Variants in AGBL1 observed in about 807,000 individuals in gnomAD.
The protein encoded by AGBL1 is AGBL carboxypeptidase 1.
In AGBL1, 130 loss-of-function variants were observed where a neutral mutation model predicts 118.9. The observed-to-expected ratio is 1.09, with a 90% CI of 0.95 to 1.26. AGBL1 has a LOEUF of 1.26. Ranked by LOEUF, AGBL1 falls within the 50% of genes most tolerant of loss-of-function variation. The probability of loss-of-function intolerance (pLI) is 0.00; values close to 1 mark genes in which losing one functional copy is unlikely to be tolerated. For synonymous variants in AGBL1, 555 were observed against 478.9 expected (o/e 1.16, Z -2.08); for missense variants, 1,584 against 1,298.1 (o/e 1.22, Z -3.38).
intron 17 of AGBL1, among the ~76,000 whole-genome samples, chr15:86,364,611 C>A (rs1374674263): frequency 1.3e-5 from 2 of 152,036 alleles, no homozygotes; most frequent in South Asian, 2.1e-4. Flanking sequence ...CTGACCCCTG[C>A]CCCATATTTG....
At chr15:86,381,777 T>C (rs1243626682) in intron 17 of AGBL1, among the ~76,000 whole-genome samples, 1 of 151,824 alleles carries the variant, frequency 6.6e-6, no homozygotes, top group African/African-American at 2.4e-5. Flanking sequence ...TGTGCAAAGA[T>C]CAGGAGCAGA....
At chr15:86,866,221 T>G (rs1476488015) in intron 22 of AGBL1, among the ~76,000 whole-genome samples, 5 of 152,200 alleles carry the variant, frequency 3.3e-5, no homozygotes, top group Admixed American at 6.5e-5. Flanking sequence ...ATTAGAAAAG[T>G]CATCTTGACA....
chr15:86,538,878 G>A (rs1385472670), intron 19 of AGBL1, among the ~76,000 whole-genome samples: 2 of 152,148 alleles, frequency 1.3e-5, no homozygotes. Flanking sequence ...TTGAACAAGG[G>A]GGACCTATTA....
At chr15:86,947,260 G>A (rs189485323) in intron 23 of AGBL1, among the ~76,000 whole-genome samples, 1 of 152,316 alleles carries the variant, frequency 6.6e-6, no homozygotes, top group Admixed American at 6.5e-5. Context: ...TGTTTTGAAT[G>A]ATACCAGAAT....
At chr15:87,000,895 T>C (rs1427827809) in intron 24 of AGBL1, among the ~76,000 whole-genome samples, 3 of 144,178 alleles carry the variant, frequency 2.1e-5, no homozygotes, top group African/African-American at 7.8e-5. Flanking sequence ...GTATCCTCTT[T>C]TATTTCCTTG....
intron 18 of AGBL1, among the ~76,000 whole-genome samples, chr15:86,480,435 T>G (rs2142122084): frequency 6.6e-6 from 1 of 152,270 alleles, no homozygotes; most frequent in East Asian, 1.9e-4. Flanking sequence ...TGGCTATTTT[T>G]GTCATGCTAA....
chr15:86,193,107 A>G (rs1011437188), intron 5 of AGBL1, among the ~76,000 whole-genome samples: 6 of 152,212 alleles, frequency 3.9e-5, no homozygotes, highest in Non-Finnish European at 8.8e-5. Flanking sequence ...TGATCATACC[A>G]GATACTGTGA....
intron 6 of AGBL1, among the ~76,000 whole-genome samples, chr15:86,239,193 G>A (rs183669855): frequency 9.9e-5 from 15 of 152,210 alleles, no homozygotes; most frequent in African/African-American, 2.6e-4. Flanking sequence ...TACCTGTCCC[G>A]GTTTCTGGAG....
chr15:86,253,336 C>T (rs920062072), intron 7 of AGBL1, among the ~76,000 whole-genome samples: 14 of 152,080 alleles, frequency 9.2e-5, no homozygotes, highest in East Asian at 5.8e-4. Flanking sequence ...CTGCAGCCTC[C>T]GCCTCCTGAG....
intron 19 of AGBL1, among the ~76,000 whole-genome samples, chr15:86,541,377 A>G (rs1229188811): frequency 6.6e-6 from 1 of 152,092 alleles, no homozygotes; most frequent in Admixed American, 6.6e-5. Context: ...TCTGATGCTT[A>G]TTAATATTTG....
intron 23 of AGBL1, among the ~76,000 whole-genome samples, chr15:86,931,874 T>A (rs1244995960): frequency 6.6e-6 from 1 of 152,156 alleles, no homozygotes; most frequent in South Asian, 2.1e-4. Flanking sequence ...TTGAATACTT[T>A]AAAATTCTTG....
intron 19 of AGBL1, among the ~76,000 whole-genome samples, chr15:86,534,471 C>G (rs1326997722): frequency 6.6e-6 from 1 of 152,112 alleles, no homozygotes; most frequent in Non-Finnish European, 1.5e-5. Context: ...GTTTTCTGTG[C>G]TTGGGGTTAC....
At chr15:86,346,571 G>A (rs538883887) in intron 17 of AGBL1, among the ~76,000 whole-genome samples, 5 of 151,858 alleles carry the variant, frequency 3.3e-5, no homozygotes, top group African/African-American at 1.2e-4. Context: ...GGATGGTCTC[G>A]ATCTCCTGAC....
intron 22 of AGBL1, among the ~76,000 whole-genome samples, chr15:86,724,731 C>A (rs1040594024): frequency 6.6e-6 from 1 of 152,132 alleles, no homozygotes; most frequent in Non-Finnish European, 1.5e-5. Flanking sequence ...GTGGATCCCT[C>A]ATGAATGGCT....
upstream of AGBL1, chr15:86,079,856 C>T: frequency 3.0e-6 from 2 of 664,978 alleles, no homozygotes; most frequent in Non-Finnish European, 4.3e-6. Context: ...GCATGTGCAG[C>T]TGAGGCCTCC....
At chr15:87,006,264 T>A (rs915548501) in intron 24 of AGBL1, among the ~76,000 whole-genome samples, 2 of 152,194 alleles carry the variant, frequency 1.3e-5, no homozygotes, top group African/African-American at 4.8e-5. Context: ...TGCTGCCTTT[T>A]GTTTAGCTAT....
chr15:86,115,625 G>A (rs1897705946), intron 1 of AGBL1, among the ~76,000 whole-genome samples: 1 of 152,152 alleles, frequency 6.6e-6, no homozygotes, highest in African/African-American at 2.4e-5. Flanking sequence ...CTGGGATGAG[G>A]ACTACTGCTC....
At chr15:86,753,397 C>CTTTTTTTT (rs1555446759) in intron 22 of AGBL1, among the ~76,000 whole-genome samples, 143 of 111,236 alleles carry the variant, frequency 1.3e-3, no homozygotes, top group Non-Finnish European at 1.5e-3. Context: ...TTTTCTTTTT[C>CTTTTTTTT]TTTTTTTTTT....
chr15:86,156,373 G>T (rs143240082), intron 4 of AGBL1, among the ~76,000 whole-genome samples: 4 of 152,132 alleles, frequency 2.6e-5, no homozygotes, highest in South Asian at 4.1e-4. Flanking sequence ...ATGTTTCTTT[G>T]TGTGTCCAAA....
Sources: gnomAD v4.1 joint callset for allele counts (sites outside exome capture counted in the v4.1 genomes callset) on GRCh38, gnomAD v4.1.1 for gene constraint, MANE v1.5 for transcripts, NCBI Gene and HGNC (gene_info 2026-07-23, HGNC 2026-07-21) for gene names.